Variants in AKAP13 observed in about 807,000 individuals in gnomAD.
AKAP13 encodes the protein A-kinase anchoring protein 13.
Under a neutral mutation model 264.5 loss-of-function variants are expected in AKAP13, and 80 were observed. The observed-to-expected ratio is 0.30, with a 90% CI of 0.25 to 0.36. The LOEUF (loss-of-function observed/expected upper bound fraction) is 0.36. AKAP13 is among the 10% of genes least tolerant of loss of function. The pLI is 1.00. For synonymous variants in AKAP13, 1,380 were observed against 1,250.2 expected (o/e 1.10, Z -2.19); for missense variants, 3,712 against 3,435.2 (o/e 1.08, Z -2.01).
intron 1 of AKAP13, among the ~76,000 whole-genome samples, chr15:85,437,596 G>A (rs1216831833): frequency 6.6e-6 from 1 of 152,102 alleles, no homozygotes; most frequent in Non-Finnish European, 1.5e-5. Context: ...AACGAATCCA[G>A]CAGCACATCA....
At chr15:85,709,935 A>C (rs1326110069) in intron 18 of AKAP13, among the ~76,000 whole-genome samples, 1 of 151,476 alleles carries the variant, frequency 6.6e-6, no homozygotes, top group Non-Finnish European at 1.5e-5. Context: ...TGATCCACCC[A>C]CCTCAGCCTC....
Position 85,579,984 on chromosome 15 carries a change from C to A in AKAP13, c.1916C>A (p.Ser639Ter). 6.2e-7 allele frequency: 1 copy of A among 1,614,204 alleles called. No homozygotes were observed. Among genetic ancestry groups the A allele is most frequent in the Non-Finnish European group, 8.5e-7 (1 of 1,180,038 alleles). ...VMPHQNSETN[S>*]SHAQSQKGKS... is the part of the protein sequence containing the mutation. The stretch of plus-strand genomic sequence containing the variant: ...CCACACCAGAACTCAGAAACAAATT[C>A]ATCTCATGCTCAAAGCCAAAAGGGC... The change falls in exon 7 of 37, where the codon TCA becomes TAA. Residue 639 changes from serine to a stop codon, truncating the protein, a stop_gained. Transcript: ENST00000394518. LOFTEE classifies it high-confidence loss of function.
At chr15:85,436,025 T>C (rs1417357149) in intron 1 of AKAP13, among the ~76,000 whole-genome samples, 3 of 144,802 alleles carry the variant, frequency 2.1e-5, no homozygotes, top group Non-Finnish European at 4.6e-5. Context: ...GACTGGCAAA[T>C]TGGATAAAGA....
At chr15:85,397,045 C>T (rs570147469) in intron 1 of AKAP13, among the ~76,000 whole-genome samples, 8 of 128,278 alleles carry the variant, frequency 6.2e-5, no homozygotes, top group Admixed American at 8.3e-5. Context: ...CCCCGCCCCC[C>T]GAGGATTATT....
intron 17 of AKAP13, chr15:85,701,189 T>A (rs577416848): frequency 1.1e-4 from 16 of 152,314 alleles, no homozygotes; most frequent in African/African-American, 2.6e-4. Context: ...GGACTTTTTT[T>A]AATATGAAGT....
At chr15:85,717,004 A>G (rs2086989561) in intron 20 of AKAP13, 2 of 307,030 alleles carry the variant, frequency 6.5e-6, no homozygotes, top group African/African-American at 2.2e-5. Context: ...TTCTTATATA[A>G]TGTGTACATG....
At position 85,580,385 on chromosome 15, in the gene AKAP13, C is replaced by G. The variant is rs758080336; in HGVS notation, c.2317C>G (p.Leu773Val). ...HPVVPKMEKELVPDQAVISDS... is the reference protein window; with the variant it reads ...HPVVPKMEKEVVPDQAVISDS... ...AGTTGTCCCTAAAATGGAGAAAGAA[C>G]TGGTGCCAGACCAGGCAGTAATATC... The change falls in exon 7 of 37, where the codon CTG becomes GTG. Residue 773 changes from leucine to valine, a missense_variant. Coordinates refer to ENST00000394518, the MANE Select transcript of AKAP13 (RefSeq NM_007200.5). The G allele has an allele frequency of 2.5e-6, 4 of 1,614,240 alleles. No individual in the cohort carries two copies. The highest frequency in any genetic ancestry group is 1.1e-5 in the South Asian group (1 of 91,086).
At chr15:85,629,292 C>T (rs1391178056) in intron 8 of AKAP13, among the ~76,000 whole-genome samples, 1 of 152,072 alleles carries the variant, frequency 6.6e-6, no homozygotes, top group Non-Finnish European at 1.5e-5. Context: ...TTGTGGTGGA[C>T]TGGAAGTGAG....
chr15:85,454,795 A>G (rs889163588), intron 1 of AKAP13, among the ~76,000 whole-genome samples: 3 of 152,166 alleles, frequency 2.0e-5, no homozygotes, highest in African/African-American at 7.2e-5. Context: ...GAGACTTTGC[A>G]CACCTTAGTT....
intron 35 of AKAP13, among the ~76,000 whole-genome samples, chr15:85,742,912 C>CT (rs2089147252): frequency 6.6e-6 from 1 of 151,938 alleles, no homozygotes; most frequent in Non-Finnish European, 1.5e-5. Flanking sequence ...CCATGTGTTG[C>CT]TTTTTATGAC....
rs770820414 is a variant in AKAP13 at position 85,580,517 on chromosome 15, G to C, written c.2449G>C (p.Glu817Gln). ...SQKEKGTATP[E>Q]LHTATDYRDG... is the part of the protein sequence containing the mutation. Reference sequence around the variant, plus strand: ...GAAAGAAAAGGGAACAGCAACTCCTGAACTACATACAGCTACAGATTATAG... The same window carrying C: ...GAAAGAAAAGGGAACAGCAACTCCTCAACTACATACAGCTACAGATTATAG... The change falls in exon 7 of 37, where the codon GAA (glutamate) becomes CAA (glutamine). Residue 817 changes from glutamate (E) to glutamine (Q), a missense_variant. Physicochemically the swap from Glu to Gln is conservative, Grantham distance 29. Transcript: ENST00000394518. 1 of 1,614,180 alleles carries C rather than the reference G, an allele frequency of 6.2e-7. No individual in the cohort carries two copies. Among genetic ancestry groups the C allele is most frequent in the East Asian group, 2.2e-5 (1 of 44,892 alleles).
chr15:85,565,337 G>A lies in AKAP13; in HGVS notation c.663-9794G>A, dbSNP rs762717931. On this transcript the variant is annotated intron_variant, in intron 5 of 36. Transcript: ENST00000394518. ...CAGATCTTTCTTTCACTTGTTTTTTGTCTGGTTTTTTAAAGTGTCAGCTGA... is the reference window on the plus strand; with the variant it reads ...CAGATCTTTCTTTCACTTGTTTTTTATCTGGTTTTTTAAAGTGTCAGCTGA... 1.4e-4 allele frequency among the ~76,000 whole-genome samples: 22 copies of A among 151,812 alleles called. 1 individual carries two copies. Among genetic ancestry groups the A allele is most frequent in the Non-Finnish European group, 2.5e-4 (17 of 67,946 alleles).
At chr15:85,601,143 C>T (rs186375546) in intron 8 of AKAP13, among the ~76,000 whole-genome samples, 1 of 152,292 alleles carries the variant, frequency 6.6e-6, no homozygotes, top group African/African-American at 2.4e-5. Flanking sequence ...TTAATGGGCA[C>T]TAATCCGAGT....
At chr15:85,524,212 C>T (rs1160348040) in intron 3 of AKAP13, among the ~76,000 whole-genome samples, 2 of 117,634 alleles carry the variant, frequency 1.7e-5, no homozygotes, top group African/African-American at 3.3e-5. Flanking sequence ...GAGTCTTGCT[C>T]TGTTGCCCAG....
intron 3 of AKAP13, among the ~76,000 whole-genome samples, chr15:85,527,111 C>T (rs748723610): frequency 2.9e-4 from 44 of 152,114 alleles, no homozygotes; most frequent in South Asian, 6.2e-4. Context: ...TACAGGCGCC[C>T]GCCACCACGC....
At chr15:85,740,739 AC>A (rs2088896040) in intron 34 of AKAP13, among the ~76,000 whole-genome samples, 1 of 109,286 alleles carries the variant, frequency 9.2e-6, no homozygotes, top group East Asian at 2.3e-4. Context: ...CACACACACA[AC>A]CCACCCACCC....
intron 1 of AKAP13, among the ~76,000 whole-genome samples, chr15:85,388,097 C>T (rs1025525556): frequency 3.3e-5 from 5 of 150,926 alleles, no homozygotes; most frequent in African/African-American, 7.3e-5. Flanking sequence ...TGCAGTGGTG[C>T]GATCTCAGCT....
chr15:85,670,873 C>T (rs1312918621), intron 14 of AKAP13: 1 of 152,164 alleles, frequency 6.6e-6, no homozygotes, highest in Non-Finnish European at 1.5e-5. Context: ...TCCATAAGCG[C>T]AGGGCCTTGT....
At chr15:85,467,267 T>G (rs2074778315) in intron 1 of AKAP13, among the ~76,000 whole-genome samples, 1 of 151,978 alleles carries the variant, frequency 6.6e-6, no homozygotes, top group Non-Finnish European at 1.5e-5. Flanking sequence ...CTTGCATATA[T>G]GTATATTCAG....
Sources: allele counts gnomAD v4.1 joint callset (sites outside exome capture counted in the v4.1 genomes callset), GRCh38; gene constraint gnomAD v4.1.1; transcripts MANE v1.5; gene names NCBI Gene and HGNC (gene_info 2026-07-23, HGNC 2026-07-21).